The following NDUFAF7 variants were observed in gnomAD, a reference collection of about 807,000 sequenced individuals.
The protein encoded by NDUFAF7 is protein arginine methyltransferase NDUFAF7, mitochondrial.
A neutral mutation model predicts 47.2 loss-of-function variants in NDUFAF7; 48 were observed. The observed-to-expected ratio is 1.02, with a 90% CI of 0.81 to 1.29. The LOEUF is 1.29. NDUFAF7 is among the 50% of genes most tolerant of loss of function. The probability of loss-of-function intolerance (pLI) is 0.00; values close to 1 mark genes in which losing one functional copy is unlikely to be tolerated. For synonymous variants in NDUFAF7, 217 were observed against 190.0 expected, an observed-to-expected ratio of 1.14 and a Z score of -1.17; for missense variants, 635 against 537.6, an observed-to-expected ratio of 1.18 and a Z score of -1.79.
At chr2:37,243,184 C>A (rs1666531273) in intron 6 of NDUFAF7, among the ~76,000 whole-genome samples, 1 of 152,004 alleles carries the variant, frequency 6.6e-6, no homozygotes, top group African/African-American at 2.4e-5. Flanking sequence ...GGCATGGTGG[C>A]TTACACCTGT....
At chr2:37,259,653 A>G in the NDUFAF7 span, 1 of 1,612,890 alleles carries the variant, frequency 6.2e-7, no homozygotes. Context: ...AATATTCTTA[A>G]AATGCAGATT....
At chr2:37,259,529 G>T in the NDUFAF7 span, 1 of 1,366,130 alleles carries the variant, frequency 7.3e-7, no homozygotes, top group Non-Finnish European at 1.0e-6. Context: ...TTATTATGTG[G>T]GTGCTTTGAA....
chr2:37,236,298 T>C (rs1665747368), intron 3 of NDUFAF7, 122 bp downstream of exon 3: 8 of 861,122 alleles, frequency 9.3e-6, no homozygotes, highest in Non-Finnish European at 1.6e-5. Flanking sequence ...TTTAACTTTA[T>C]AGTAGTTTAT....
rs530853410 is a variant in NDUFAF7 at position 37,248,154 on chromosome 2, A to G, written c.1130A>G (p.Asn377Ser). 16 of 1,613,748 alleles carry G rather than the reference A, an allele frequency of 9.9e-6. No individual in the cohort carries two copies. Among genetic ancestry groups the G allele is most frequent in the African/African-American group, 1.3e-5 (1 of 75,034 alleles). Reference protein sequence around the residue: ...VRLKVLLDKSNEPSVRQQLLQ... With the variant: ...VRLKVLLDKSSEPSVRQQLLQ... ...TTTCAGGTTCTTTTAGATAAATCAA[A>G]TGAGCCATCAGTGAGGCAGCAGTTA... The change falls in exon 10 of 10, where the codon AAT (asparagine) becomes AGT (serine). Residue 377 changes from asparagine (N) to serine (S), a missense_variant. Asn to Ser is a conservative substitution (Grantham distance 46). Transcript: ENST00000002125.
chr2:37,262,494 G>GT, the NDUFAF7 span, among the ~76,000 whole-genome samples: 1 of 152,258 alleles, frequency 6.6e-6, no homozygotes, highest in Non-Finnish European at 1.5e-5. Flanking sequence ...TTATGAGATC[G>GT]TTTTCCAAGC....
chr2:37,261,736 C>T, the NDUFAF7 span, among the ~76,000 whole-genome samples: 10 of 152,066 alleles, frequency 6.6e-5, no homozygotes, highest in African/African-American at 1.9e-4. Flanking sequence ...GCTGAGATTG[C>T]GCCATTGCAC....
the NDUFAF7 span, chr2:37,267,657 C>T: frequency 1.3e-6 from 1 of 747,462 alleles, no homozygotes; most frequent in Non-Finnish European, 2.2e-6. Context: ...CATTTTTGTT[C>T]TTTCTCCACA....
the NDUFAF7 span, among the ~76,000 whole-genome samples, chr2:37,266,703 G>C: frequency 3.2e-3 from 487 of 152,192 alleles, 9 homozygotes; most frequent in Middle Eastern, 0.017. Flanking sequence ...AGTCAGGCTG[G>C]TCCCGAACTC....
intron 8 of NDUFAF7, 87 bp downstream of exon 8, chr2:37,246,282 G>C: frequency 7.2e-7 from 1 of 1,394,496 alleles, no homozygotes; most frequent in Non-Finnish European, 1.0e-6. Context: ...ACAGTGCCTG[G>C]TATTGTTGTA....
At chr2:37,268,360 AAAACTG>A in the NDUFAF7 span, 1 of 470,810 alleles carries the variant, frequency 2.1e-6, no homozygotes, top group Admixed American at 2.4e-5. Flanking sequence ...AACTACTCTT[AAAACTG>A]ACAAATCTGA....
At chr2:37,243,719 G>A in intron 6 of NDUFAF7, 144 bp from the exon 7 acceptor site, 1 of 668,322 alleles carries the variant, frequency 1.5e-6, no homozygotes, top group Non-Finnish European at 2.7e-6. Context: ...AGGCAATGAA[G>A]TAATGAATTT....
At chr2:37,251,808 C>T (rs944043577), downstream of NDUFAF7, 6 of 151,554 alleles carry the variant, frequency 4.0e-5, no homozygotes, top group Middle Eastern at 0.014. Flanking sequence ...TCCAGGCCAA[C>T]ATAACTAACA....
intron 3 of NDUFAF7, among the ~76,000 whole-genome samples, chr2:37,236,495 G>C (rs751352751): frequency 1.6e-4 from 24 of 151,738 alleles, no homozygotes; most frequent in Admixed American, 6.6e-5. Context: ...TGGAAGAAGG[G>C]GCCAGGCGTA....
In NDUFAF7 at chr2:37,232,920, T is replaced by C. The variant is rs111377971; in HGVS notation, c.216+654T>C. Among the ~76,000 whole-genome samples the C allele has an allele frequency of 4.7e-3, 721 of 152,362 alleles. 7 individuals are homozygous for C. Among genetic ancestry groups the C allele is most frequent in the African/African-American group, 0.017 (700 of 41,584 alleles). Reference sequence around the variant, plus strand: ...TTTCATCTTTTGCTGGGTTGAAATATGACCTCTGTGGAATTCTGGGGTTAG... The same window carrying C: ...TTTCATCTTTTGCTGGGTTGAAATACGACCTCTGTGGAATTCTGGGGTTAG... On this transcript the variant is annotated intron_variant, in intron 2 of 9. Transcript: ENST00000002125.
downstream of NDUFAF7, among the ~76,000 whole-genome samples, chr2:37,257,320 C>A (rs1381809144): frequency 6.6e-6 from 1 of 152,168 alleles, no homozygotes; most frequent in East Asian, 1.9e-4. Flanking sequence ...CCTTAGTGGC[C>A]TCACAGTGCC....
At chr2:37,254,412 G>T (rs1270412868), downstream of NDUFAF7, 6 of 683,970 alleles carry the variant, frequency 8.8e-6, no homozygotes, top group Non-Finnish European at 1.3e-5. Context: ...GCTTCTCAAG[G>T]ACGTGGACTT....
chr2:37,234,283 G>T (rs1230306271), intron 2 of NDUFAF7, among the ~76,000 whole-genome samples: 1 of 152,096 alleles, frequency 6.6e-6, no homozygotes, highest in African/African-American at 2.4e-5. Flanking sequence ...ATGGAGATCG[G>T]GTTTTGCCTT....
chr2:37,253,289 G>T, downstream of NDUFAF7: 1 of 1,612,958 alleles, frequency 6.2e-7, no homozygotes, highest in Non-Finnish European at 8.5e-7. Flanking sequence ...ACTTTCATGT[G>T]TAATGTAACG....
At chr2:37,251,789 T>G (rs1328574141), downstream of NDUFAF7, 1 of 152,066 alleles carries the variant, frequency 6.6e-6, no homozygotes, top group African/African-American at 2.4e-5. Context: ...CCGACAGACC[T>G]GCCATCTGTC....
Sources: allele counts gnomAD v4.1 joint callset (sites outside exome capture counted in the v4.1 genomes callset), GRCh38; gene constraint gnomAD v4.1.1; transcripts MANE v1.5; gene names NCBI Gene and HGNC (gene_info 2026-07-23, HGNC 2026-07-21).